Variants in AK5 observed in about 807,000 individuals in gnomAD.
AK5 encodes the protein adenylate kinase 5.
Under a neutral mutation model 69.5 loss-of-function variants are expected in AK5, and 27 were observed. The observed-to-expected ratio is 0.39, with a 90% CI of 0.29 to 0.54. AK5 has a LOEUF of 0.54. Among genes scored for constraint, AK5 ranks in the 20% least tolerant of loss-of-function variants. AK5 has a pLI of 0.71. For synonymous variants in AK5, 260 were observed against 244.4 expected (o/e 1.06, Z -0.60); for missense variants, 531 against 700.4 (o/e 0.76, Z 2.73).
chr1:77,501,676 T>C (rs1024125565), intron 10 of AK5, among the ~76,000 whole-genome samples: 11 of 152,206 alleles, frequency 7.2e-5, no homozygotes, highest in Non-Finnish European at 1.5e-4. Context: ...ATGCAGCCCT[T>C]CTCCTTTTAC....
intron 6 of AK5, among the ~76,000 whole-genome samples, chr1:77,394,651 A>T (rs867767411): frequency 6.6e-6 from 1 of 152,164 alleles, no homozygotes. Context: ...TTTGTAATGA[A>T]TTAATTAATA....
At chr1:77,282,856 A>C in intron 1 of AK5, 1 of 987,442 alleles carries the variant, frequency 1.0e-6, no homozygotes, top group South Asian at 4.7e-5. Flanking sequence ...TCCTGGAGAC[A>C]GCTTGGAAGA....
intron 5 of AK5, chr1:77,313,805 G>A (rs778297802): frequency 1.7e-5 from 9 of 532,482 alleles, no homozygotes; most frequent in South Asian, 1.4e-5. Flanking sequence ...TACAGCCTAC[G>A]CCCTCAGACA....
intron 10 of AK5, among the ~76,000 whole-genome samples, chr1:77,489,881 T>C (rs1655867409): frequency 6.6e-6 from 1 of 152,188 alleles, no homozygotes; most frequent in Non-Finnish European, 1.5e-5. Context: ...ATCCTTATTA[T>C]CGCTTGAGCT....
intron 1 of AK5, among the ~76,000 whole-genome samples, chr1:77,286,089 G>A (rs1328690267): frequency 6.6e-6 from 1 of 152,176 alleles, no homozygotes; most frequent in Admixed American, 6.5e-5. Flanking sequence ...TAGGGATTCA[G>A]AGAAGACTTC....
intron 8 of AK5, among the ~76,000 whole-genome samples, chr1:77,428,683 A>G (rs1387580366): frequency 6.6e-6 from 1 of 152,044 alleles, no homozygotes; most frequent in Non-Finnish European, 1.5e-5. Flanking sequence ...TACATGTGCC[A>G]TGTTGGTGTA....
chr1:77,372,894 C>T (rs1228271920), intron 6 of AK5, among the ~76,000 whole-genome samples: 3 of 152,124 alleles, frequency 2.0e-5, no homozygotes, highest in Non-Finnish European at 2.9e-5. Flanking sequence ...CACATAAACA[C>T]CACTTCAGTG....
chr1:77,470,842 TATATATATATATATATA>T (rs1654419038), intron 8 of AK5, among the ~76,000 whole-genome samples: 2 of 1,046 alleles, frequency 1.9e-3, no homozygotes, highest in Non-Finnish European at 5.2e-3. Context: ...TATATATATA[TATATATATATATATATA>T]TATATATATA....
intron 13 of AK5, among the ~76,000 whole-genome samples, chr1:77,544,526 T>TA (rs970768146): frequency 8.6e-5 from 13 of 152,006 alleles, no homozygotes; most frequent in Admixed American, 3.3e-4. Context: ...TTTTCTATTT[T>TA]AAAAAAAGTC....
chr1:77,328,837 T>C (rs1327371173), intron 5 of AK5, among the ~76,000 whole-genome samples: 2 of 152,206 alleles, frequency 1.3e-5, no homozygotes, highest in Non-Finnish European at 1.5e-5. Flanking sequence ...TTTATGCTGT[T>C]ATAACAATAC....
chr1:77,452,322 AT>A (rs1443013947), intron 8 of AK5, among the ~76,000 whole-genome samples: 2 of 152,344 alleles, frequency 1.3e-5, no homozygotes, highest in African/African-American at 4.8e-5. Context: ...TTTTCAATAA[AT>A]GCCTGTGGAA....
intron 8 of AK5, among the ~76,000 whole-genome samples, chr1:77,472,312 G>T (rs956726101): frequency 6.6e-6 from 1 of 152,118 alleles, no homozygotes; most frequent in South Asian, 2.1e-4. Context: ...TTTTGTGGTC[G>T]CAGGGTGGCA....
At chr1:77,399,760 C>T (rs1649080817) in intron 6 of AK5, among the ~76,000 whole-genome samples, 1 of 152,198 alleles carries the variant, frequency 6.6e-6, no homozygotes, top group African/African-American at 2.4e-5. Context: ...AAAACAGAAT[C>T]CATGCTAGAT....
chr1:77,345,151 T>G (rs1661851782), intron 6 of AK5, among the ~76,000 whole-genome samples: 1 of 152,306 alleles, frequency 6.6e-6, no homozygotes, highest in Non-Finnish European at 1.5e-5. Context: ...CTACTGAATA[T>G]TGGTAATAAT....
At chr1:77,378,587 C>T (rs1053766839) in intron 6 of AK5, among the ~76,000 whole-genome samples, 7 of 152,158 alleles carry the variant, frequency 4.6e-5, no homozygotes, top group Admixed American at 1.3e-4. Flanking sequence ...TCCCAAAGTG[C>T]TGGGATTACA....
At chr1:77,306,382 G>A (rs1027147767) in intron 5 of AK5, among the ~76,000 whole-genome samples, 1 of 151,444 alleles carries the variant, frequency 6.6e-6, no homozygotes, top group Non-Finnish European at 1.5e-5. Context: ...GTATCATGTT[G>A]ATTGATTTAT....
At chr1:77,516,755 C>A (rs566330305) in intron 10 of AK5, among the ~76,000 whole-genome samples, 1 of 151,872 alleles carries the variant, frequency 6.6e-6, no homozygotes, top group African/African-American at 2.4e-5. Context: ...TTGGACATGA[C>A]AGTGCTGGAG....
intron 8 of AK5, among the ~76,000 whole-genome samples, chr1:77,456,590 C>T (rs547525260): frequency 3.3e-5 from 5 of 152,300 alleles, no homozygotes; most frequent in South Asian, 4.1e-4. Context: ...CTTAAAAGAA[C>T]GAGGATGGGC....
intron 7 of AK5, among the ~76,000 whole-genome samples, chr1:77,416,803 G>A (rs1326973004): frequency 6.6e-6 from 1 of 152,144 alleles, no homozygotes; most frequent in Non-Finnish European, 1.5e-5. Context: ...ATTTGCCAAG[G>A]CCAAGTTTAC....
Sources: gnomAD v4.1 joint callset for allele counts (sites outside exome capture counted in the v4.1 genomes callset) on GRCh38, gnomAD v4.1.1 for gene constraint, MANE v1.5 for transcripts, NCBI Gene and HGNC (gene_info 2026-07-23, HGNC 2026-07-21) for gene names.